KAZN: variants seen among roughly 807,000 people sequenced by gnomAD.
KAZN encodes kazrin, periplakin interacting protein.
In KAZN, 40 loss-of-function variants were observed where a neutral mutation model predicts 87.4. That is an observed-to-expected ratio of 0.46 (90% CI 0.36 to 0.60). The LOEUF is 0.60. Among genes scored for constraint, KAZN ranks in the 20% least tolerant of loss-of-function variants. The pLI, the probability that KAZN is intolerant of heterozygous loss-of-function variation, is 0.00. For missense variants in KAZN, 898 were observed against 1,073.9 expected (o/e 0.84, Z 2.29); for synonymous variants, 466 against 458.3 (o/e 1.02, Z -0.22).
intron 1 of KAZN, among the ~76,000 whole-genome samples, chr1:14,712,135 A>G (rs1480035864): frequency 2.6e-5 from 4 of 152,218 alleles, no homozygotes; most frequent in African/African-American, 9.7e-5. Flanking sequence ...CTAAAAGCTA[A>G]TAGAAGCCAC....
chr1:14,437,037 T>G (rs1471996466), intron 2 of KAZN, among the ~76,000 whole-genome samples: 1 of 152,218 alleles, frequency 6.6e-6, no homozygotes, highest in Non-Finnish European at 1.5e-5. Context: ...CCTTTTGTCC[T>G]CCAGAGGAAA....
chr1:14,924,175 A>C (rs1658868788), intron 1 of KAZN: 1 of 981,354 alleles, frequency 1.0e-6, no homozygotes, highest in Non-Finnish European at 1.2e-6. Flanking sequence ...CCTCGCGTGC[A>C]GCAGGCGCGG....
chr1:15,036,942 C>T (rs1672400342), intron 3 of KAZN, among the ~76,000 whole-genome samples: 1 of 152,184 alleles, frequency 6.6e-6, no homozygotes, highest in Non-Finnish European at 1.5e-5. Context: ...AACTCACCCA[C>T]GGTCATGCAG....
intron 1 of KAZN, among the ~76,000 whole-genome samples, chr1:14,100,541 G>A (rs1459384864): frequency 6.6e-6 from 1 of 152,148 alleles, no homozygotes; most frequent in Non-Finnish European, 1.5e-5. Flanking sequence ...TGTCCTAGAG[G>A]GCACACTTAA....
At chr1:14,431,485 T>C (rs1408009125) in intron 2 of KAZN, among the ~76,000 whole-genome samples, 1 of 152,148 alleles carries the variant, frequency 6.6e-6, no homozygotes, top group Non-Finnish European at 1.5e-5. Flanking sequence ...CTTGCTTGAA[T>C]TGAAGAATGC....
intron 1 of KAZN, among the ~76,000 whole-genome samples, chr1:14,896,041 CTTTTTTTTTTT>C (rs201188620): frequency 5.0e-5 from 7 of 140,760 alleles, no homozygotes; most frequent in African/African-American, 1.1e-4. Flanking sequence ...AAAAAGACGC[CTTTTTTTTTTT>C]TTTTTTTTTT....
intron 2 of KAZN, among the ~76,000 whole-genome samples, chr1:14,383,148 C>T (rs2101056043): frequency 6.6e-6 from 1 of 152,168 alleles, no homozygotes; most frequent in South Asian, 2.1e-4. Context: ...TATCCTTCAT[C>T]CACTTTTTGA....
intron 2 of KAZN, among the ~76,000 whole-genome samples, chr1:15,001,985 A>G (rs921875391): frequency 7.3e-6 from 1 of 137,860 alleles, no homozygotes; most frequent in Non-Finnish European, 1.5e-5. Flanking sequence ...GGTTCACGCC[A>G]TTCTCCTGCC....
chr1:15,050,733 G>A (rs572738245), intron 4 of KAZN, among the ~76,000 whole-genome samples: 28 of 152,272 alleles, frequency 1.8e-4, no homozygotes, highest in Non-Finnish European at 3.1e-4. Flanking sequence ...GGGGCCTGCC[G>A]CCCTGCATGA....
At chr1:14,575,872 C>A (rs950216456) in intron 2 of KAZN, among the ~76,000 whole-genome samples, 3 of 152,174 alleles carry the variant, frequency 2.0e-5, no homozygotes, top group Non-Finnish European at 2.9e-5. Flanking sequence ...AGTGTCTATA[C>A]CTTTATTGTC....
intron 1 of KAZN, among the ~76,000 whole-genome samples, chr1:14,095,380 A>G (rs1358125360): frequency 6.6e-6 from 1 of 152,236 alleles, no homozygotes; most frequent in African/African-American, 2.4e-5. Context: ...TTGCATAAGC[A>G]GGTGTTATCC....
chr1:14,518,178 C>CTTT lies in KAZN; in HGVS notation c.250-80786_250-80784dup, dbSNP rs141321203. 9.7e-3 allele frequency among the ~76,000 whole-genome samples: 882 copies of CTTT among 91,264 alleles called. 22 individuals are homozygous for CTTT. The highest frequency in any genetic ancestry group is 0.02 in the African/African-American group (462 of 22,908). The allele number at this position is 91,264 out of a possible 152,430, so 59.9% of individuals were successfully genotyped here. A position where few individuals can be genotyped will look rare whatever the true frequency, so the allele number is the denominator to read the frequency against. On this transcript the variant is annotated intron_variant, in intron 2 of 16. Coordinates refer to the KAZN transcript ENST00000636203. ...TTGGTAACTGGAGTCTTTTTGAAGGCTTTTTTTTTTTTTTTTTTTTTGGGC... is the reference window on the plus strand; with the variant it reads ...TTGGTAACTGGAGTCTTTTTGAAGGCTTTTTTTTTTTTTTTTTTTTTTTTGGGC...
At chr1:14,453,959 A>G (rs976883930) in intron 2 of KAZN, among the ~76,000 whole-genome samples, 1 of 152,230 alleles carries the variant, frequency 6.6e-6, no homozygotes, top group Non-Finnish European at 1.5e-5. Flanking sequence ...CAAAGACATA[A>G]AAGGCCTTGC....
At chr1:14,961,066 T>G (rs1002809694) in intron 2 of KAZN, among the ~76,000 whole-genome samples, 191 bp downstream of exon 2, 1 of 152,208 alleles carries the variant, frequency 6.6e-6, no homozygotes, top group Non-Finnish European at 1.5e-5. Context: ...TGCCATTCCT[T>G]CCTCCAGTGT....
In KAZN at chr1:14,020,839, A is replaced by G. The variant is rs1230482936; in HGVS notation, c.91+127083A>G. 3.3e-5 allele frequency among the ~76,000 whole-genome samples: 5 copies of G among 152,218 alleles called. No homozygotes were observed. The East Asian group carries it at 9.6e-4, about 29-fold the overall frequency. Reference sequence around the variant, plus strand: ...CATCTTCTGGAATTCTCAAAACAGTAGGATATTTTAAGAACACTGATGGTA... The same window carrying G: ...CATCTTCTGGAATTCTCAAAACAGTGGGATATTTTAAGAACACTGATGGTA... On this transcript the variant is annotated intron_variant, in intron 1 of 16. Coordinates refer to the KAZN transcript ENST00000636203.
At chr1:14,885,136 A>T (rs1653890978) in intron 1 of KAZN, among the ~76,000 whole-genome samples, 1 of 152,198 alleles carries the variant, frequency 6.6e-6, no homozygotes, top group Non-Finnish European at 1.5e-5. Flanking sequence ...CAACAAAAAT[A>T]ACATTACCTC....
chr1:13,995,588 T>C (rs1222709798), intron 1 of KAZN, among the ~76,000 whole-genome samples: 2 of 152,180 alleles, frequency 1.3e-5, no homozygotes, highest in Non-Finnish European at 2.9e-5. Context: ...TGTGAAAAAT[T>C]TCATTTTTTC....
At chr1:14,000,837 C>T (rs1265834398) in intron 1 of KAZN, among the ~76,000 whole-genome samples, 4 of 151,354 alleles carry the variant, frequency 2.6e-5, no homozygotes, top group Non-Finnish European at 4.4e-5. Flanking sequence ...GGCTGGAGTG[C>T]AGTGGCGGGA....
chr1:14,375,922 A>C (rs1660875879), intron 2 of KAZN, among the ~76,000 whole-genome samples: 1 of 151,366 alleles, frequency 6.6e-6, no homozygotes, highest in South Asian at 2.1e-4. Flanking sequence ...TTACATGTGG[A>C]GAGGAGTACT....
Sources: allele counts gnomAD v4.1 joint callset (sites outside exome capture counted in the v4.1 genomes callset), GRCh38; gene constraint gnomAD v4.1.1; transcripts MANE v1.5; gene names NCBI Gene and HGNC (gene_info 2026-07-23, HGNC 2026-07-21).